The following XPR1 variants were observed in gnomAD, a reference collection of about 807,000 sequenced individuals.
The protein encoded by XPR1 is solute carrier family 53 member 1.
XPR1 carries 28 observed loss-of-function variants against 87.5 expected under a neutral mutation model. That is an observed-to-expected ratio of 0.32 (90% CI 0.24 to 0.44). The LOEUF (loss-of-function observed/expected upper bound fraction) is 0.44, where lower values mean the gene tolerates loss of function less well. XPR1 is among the 20% of genes least tolerant of loss of function. The pLI is 1.00. For missense variants in XPR1, 559 were observed against 862.3 expected, an observed-to-expected ratio of 0.65 and a Z score of 4.41; for synonymous variants, 300 against 306.1, an observed-to-expected ratio of 0.98 and a Z score of 0.21.
intron 3 of XPR1, among the ~76,000 whole-genome samples, chr1:180,792,392 A>C (rs1480522412): frequency 6.6e-6 from 1 of 152,164 alleles, no homozygotes; most frequent in Admixed American, 6.5e-5. Flanking sequence ...TAAAATTTGG[A>C]ATTTTTTTCT....
At chr1:180,846,619 A>G (rs1031348632) in intron 11 of XPR1, among the ~76,000 whole-genome samples, 1 of 151,448 alleles carries the variant, frequency 6.6e-6, no homozygotes, top group Non-Finnish European at 1.5e-5. Flanking sequence ...TTTTTGTATT[A>G]TTAGTAGAGA....
intron 2 of XPR1, among the ~76,000 whole-genome samples, chr1:180,718,912 C>T (rs1658088123): frequency 6.6e-6 from 1 of 152,168 alleles, no homozygotes; most frequent in African/African-American, 2.4e-5. Flanking sequence ...CATGATCCGC[C>T]CACCTTGGCC....
At chr1:180,645,991 A>G (rs1051034630) in intron 1 of XPR1, among the ~76,000 whole-genome samples, 6 of 152,226 alleles carry the variant, frequency 3.9e-5, no homozygotes. Context: ...TTGGTTGGCA[A>G]CAAAAGTGCA....
chr1:180,632,114 G>GCCGT lies in XPR1; in HGVS notation c.-88_-87insCCGT. The GCCGT allele has an allele frequency of 2.0e-6, 3 of 1,484,494 alleles. No individual in the cohort carries two copies. Among genetic ancestry groups the GCCGT allele is most frequent in the Non-Finnish European group, 1.8e-6 (2 of 1,086,298 alleles). 92.0% of individuals were successfully genotyped at this position (1,484,494 alleles called of 1,614,324 possible). On this transcript the variant is annotated 5_prime_UTR_variant, in exon 1 of 15. Transcript: ENST00000367590. ...AGAAGCGCAGCGCCGCGCCGCGCCG[G>GCCGT]GGCCCATGTGGGGAGGAGTCGGAGT...
intron 2 of XPR1, among the ~76,000 whole-genome samples, chr1:180,728,298 G>GC (rs747007667): frequency 3.0e-5 from 1 of 33,794 alleles, no homozygotes; most frequent in East Asian, 4.9e-4. Flanking sequence ...GTTTATAACT[G>GC]GGGGGGGGGG....
At chr1:180,665,110 G>A (rs1655914074) in intron 1 of XPR1, among the ~76,000 whole-genome samples, 1 of 152,192 alleles carries the variant, frequency 6.6e-6, no homozygotes, top group Non-Finnish European at 1.5e-5. Context: ...TGCTGAGGAG[G>A]TCTTAGGAAT....
intron 9 of XPR1, among the ~76,000 whole-genome samples, chr1:180,830,189 C>T (rs1391288570): frequency 6.6e-6 from 1 of 152,162 alleles, no homozygotes; most frequent in East Asian, 1.9e-4. Context: ...AGAGCTTCTT[C>T]GTGCATAGAT....
At chr1:180,858,875 A>G (rs1652125879) in intron 11 of XPR1, among the ~76,000 whole-genome samples, 1 of 152,166 alleles carries the variant, frequency 6.6e-6, no homozygotes, top group African/African-American at 2.4e-5. Context: ...GGGAATATCT[A>G]TATTTGTTCA....
At chr1:180,694,333 A>G (rs78637318) in intron 2 of XPR1, among the ~76,000 whole-genome samples, 1 of 152,184 alleles carries the variant, frequency 6.6e-6, no homozygotes, top group Non-Finnish European at 1.5e-5. Flanking sequence ...TTGAAGTCCA[A>G]ATGAGGCATT....
intron 7 of XPR1, 134 bp downstream of exon 7, chr1:180,811,622 C>A: frequency 1.5e-6 from 1 of 670,218 alleles, no homozygotes; most frequent in Non-Finnish European, 2.3e-6. Context: ...AGTTTTTTGT[C>A]CTTATAAATG....
intron 2 of XPR1, among the ~76,000 whole-genome samples, chr1:180,744,853 G>A (rs113961583): frequency 0.037 from 5,630 of 151,550 alleles, 359 homozygotes; most frequent in African/African-American, 0.13. Context: ...GGGTTTCACC[G>A]TGTTAGCCAG....
At chr1:180,876,124 A>C (rs1652655042) in intron 13 of XPR1, among the ~76,000 whole-genome samples, 1 of 150,982 alleles carries the variant, frequency 6.6e-6, no homozygotes, top group Non-Finnish European at 1.5e-5. Flanking sequence ...ACTCTTCCAG[A>C]AAAAAAAAGA....
chr1:180,828,487 A>G (rs1409669576), intron 9 of XPR1, among the ~76,000 whole-genome samples: 1 of 152,166 alleles, frequency 6.6e-6, no homozygotes, highest in Non-Finnish European at 1.5e-5. Context: ...TTAACTCACT[A>G]TATTAAAAGT....
At chr1:180,784,783 A>T (rs1346735736) in intron 2 of XPR1, among the ~76,000 whole-genome samples, 1 of 151,930 alleles carries the variant, frequency 6.6e-6, no homozygotes, top group Non-Finnish European at 1.5e-5. Context: ...ATTGTAATCT[A>T]AATTTGTATA....
intron 1 of XPR1, among the ~76,000 whole-genome samples, chr1:180,671,420 A>G (rs1319965067): frequency 6.6e-6 from 1 of 152,230 alleles, no homozygotes; most frequent in East Asian, 1.9e-4. Flanking sequence ...CTGTACATGC[A>G]TGAGTGGAAA....
intron 1 of XPR1, among the ~76,000 whole-genome samples, chr1:180,660,563 C>T (rs1219863367): frequency 6.6e-6 from 1 of 152,074 alleles, no homozygotes; most frequent in African/African-American, 2.4e-5. Context: ...TCATTTGTTT[C>T]AATAAATTTT....
intron 2 of XPR1, among the ~76,000 whole-genome samples, chr1:180,715,311 A>G (rs1044743094): frequency 5.3e-5 from 8 of 152,180 alleles, no homozygotes; most frequent in African/African-American, 1.9e-4. Context: ...GGGTTTAGAC[A>G]CACTAGAATT....
intron 1 of XPR1, among the ~76,000 whole-genome samples, chr1:180,649,349 G>C (rs1168761293): frequency 1.3e-5 from 2 of 151,956 alleles, no homozygotes; most frequent in African/African-American, 2.4e-5. Flanking sequence ...CGAGAATGGC[G>C]TGAACCCGGA....
chr1:180,710,907 G>C (rs1465704070), intron 2 of XPR1, among the ~76,000 whole-genome samples: 1 of 151,572 alleles, frequency 6.6e-6, no homozygotes, highest in Non-Finnish European at 1.5e-5. Flanking sequence ...GGCGGCTGCC[G>C]GGCGGAGACG....
Sources: allele counts gnomAD v4.1 joint callset (sites outside exome capture counted in the v4.1 genomes callset), GRCh38; gene constraint gnomAD v4.1.1; transcripts MANE v1.5; gene names NCBI Gene and HGNC (gene_info 2026-07-23, HGNC 2026-07-21).